HIF1A: variants seen among roughly 807,000 people sequenced by gnomAD.
The protein encoded by HIF1A is hypoxia inducible factor 1 subunit alpha, also known as hypoxia-inducible factor 1-alpha.
Under a neutral mutation model 92.7 loss-of-function variants are expected in HIF1A, and 24 were observed. The ratio of observed to expected loss-of-function variants is 0.26; its 90% CI spans 0.19 to 0.36. The LOEUF (loss-of-function observed/expected upper bound fraction) is 0.36, where lower values mean the gene tolerates loss of function less well. Among genes scored for constraint, HIF1A ranks in the 10% least tolerant of loss-of-function variants. The pLI is 1.00. For synonymous variants in HIF1A, 319 were observed against 338.7 expected (o/e 0.94, Z 0.64); for missense variants, 799 against 998.5 (o/e 0.80, Z 2.69).
intron 1 of HIF1A, among the ~76,000 whole-genome samples, chr14:61,717,851 T>C (rs1469165322): frequency 6.9e-6 from 1 of 144,626 alleles, no homozygotes; most frequent in Admixed American, 6.7e-5. Context: ...GTGAAACCTG[T>C]CTGTACTAAA....
chr14:61,743,356 C>T (rs1473008636), intron 12 of HIF1A, among the ~76,000 whole-genome samples: 1 of 152,126 alleles, frequency 6.6e-6, no homozygotes, highest in Non-Finnish European at 1.5e-5. Context: ...CAGTTGTGAG[C>T]CACTGTGCCC....
In HIF1A at chr14:61,738,101, G is replaced by T. The variant is rs149348765; in HGVS notation, c.1264G>T (p.Asp422Tyr). The T allele has an allele frequency of 3.0e-3, 4,846 of 1,599,594 alleles. 34 individuals carry two copies. Among genetic ancestry groups the T allele is most frequent in the South Asian group, 0.013 (1,192 of 89,036 alleles). ...DFGSNDTETDDQQLEEVPLYN... is the reference protein window; with the variant it reads ...DFGSNDTETDYQQLEEVPLYN... ...TTTCCCCACAGACACAGAAACTGAT[G>T]ACCAGCAACTTGAGGAAGTACCATT... is the stretch of plus-strand genomic sequence containing the variant. Residue 422 changes from aspartate (D) to tyrosine (Y), a missense_variant, in exon 10 of 15, where the codon GAC becomes TAC. By Grantham distance (160) the Asp-to-Tyr change is radical. Coordinates refer to ENST00000337138, the MANE Select transcript of HIF1A (RefSeq NM_001530.4).
chr14:61,719,694 C>T (rs895887067), intron 1 of HIF1A, among the ~76,000 whole-genome samples: 4 of 152,150 alleles, frequency 2.6e-5, no homozygotes, highest in Non-Finnish European at 5.9e-5. Flanking sequence ...TAACCTATCC[C>T]TCTAAATTCT....
At chr14:61,746,392 C>CTTTTTTTTTTTTTTT (rs754879947) in intron 14 of HIF1A, among the ~76,000 whole-genome samples, 5 of 49,492 alleles carry the variant, frequency 1.0e-4, no homozygotes, top group African/African-American at 2.5e-4. Context: ...TTTATGACTT[C>CTTTTTTTTTTTTTTT]TTTTTTTTTT....
intron 1 of HIF1A, among the ~76,000 whole-genome samples, chr14:61,707,304 G>GT (rs11335043): frequency 6.6e-6 from 1 of 151,284 alleles, no homozygotes; most frequent in African/African-American, 2.4e-5. Context: ...AGCATTCTGT[G>GT]TTTTTTTTTT....
intron 1 of HIF1A, among the ~76,000 whole-genome samples, chr14:61,707,139 C>T (rs1215295639): frequency 6.6e-6 from 1 of 152,196 alleles, no homozygotes; most frequent in Non-Finnish European, 1.5e-5. Context: ...TTTTGAAGAA[C>T]ACGTTAAGTA....
At chr14:61,726,661 TTG>T in intron 4 of HIF1A, 43 bp from the exon 5 acceptor site, 1 of 1,213,572 alleles carries the variant, frequency 8.2e-7, no homozygotes, top group Non-Finnish European at 1.2e-6. Flanking sequence ...TGTAACAAAT[TTG>T]TATATTTAGT....
intron 1 of HIF1A, among the ~76,000 whole-genome samples, chr14:61,700,093 T>C (rs1210321995): frequency 1.3e-5 from 2 of 152,154 alleles, no homozygotes; most frequent in Non-Finnish European, 1.5e-5. Flanking sequence ...TTTTGTTTCA[T>C]AAAAACAAAA....
chr14:61,746,425 C>G, intron 14 of HIF1A, among the ~76,000 whole-genome samples: 1 of 113,332 alleles, frequency 8.8e-6, no homozygotes, highest in South Asian at 2.7e-4. Flanking sequence ...GAGACAGGGT[C>G]TCGCTCTGTT....
intron 1 of HIF1A, 72 bp downstream of exon 1, chr14:61,695,911 G>A: frequency 2.1e-6 from 3 of 1,427,898 alleles, no homozygotes; most frequent in Non-Finnish European, 1.9e-6. Flanking sequence ...TGGGCTCCTG[G>A]GCCGGCCTCG....
intron 1 of HIF1A, among the ~76,000 whole-genome samples, chr14:61,710,240 A>G (rs2044290856): frequency 6.6e-6 from 1 of 152,152 alleles, no homozygotes; most frequent in Non-Finnish European, 1.5e-5. Flanking sequence ...GGTTTAATGG[A>G]AAGACAATTT....
At chr14:61,705,128 T>C (rs2044224183) in intron 1 of HIF1A, among the ~76,000 whole-genome samples, 1 of 152,122 alleles carries the variant, frequency 6.6e-6, no homozygotes, top group Non-Finnish European at 1.5e-5. Context: ...CAGATCTCTT[T>C]TGGAGCAAAA....
In HIF1A at chr14:61,695,629, G is replaced by A. The variant is rs1190266825; in HGVS notation, c.-176G>A. ...TGAGGAGAGGCTCGGAGCCGGGCCC[G>A]GACCCCGGCGATTGCCGCCCGCTTC... On this transcript the variant is annotated 5_prime_UTR_variant, in exon 1 of 15. Transcript: ENST00000337138. 8 of 669,976 alleles carry A rather than the reference G, an allele frequency of 1.2e-5. No individual in the cohort carries two copies. Among genetic ancestry groups the A allele is most frequent in the African/African-American group, 1.8e-5 (1 of 54,536 alleles). The allele number at this position is 669,976 out of a possible 1,614,324, so 41.5% of individuals were successfully genotyped here.
chr14:61,705,196 A>G (rs924097833), intron 1 of HIF1A, among the ~76,000 whole-genome samples: 2 of 152,152 alleles, frequency 1.3e-5, no homozygotes, highest in African/African-American at 4.8e-5. Flanking sequence ...TGTATACTGC[A>G]TTAAAAAATG....
At chr14:61,708,437 G>A (rs1005099699) in intron 1 of HIF1A, among the ~76,000 whole-genome samples, 2 of 152,148 alleles carry the variant, frequency 1.3e-5, no homozygotes, top group African/African-American at 2.4e-5. Context: ...ATGGTTTTAG[G>A]TCTAACATTT....
intron 14 of HIF1A, among the ~76,000 whole-genome samples, chr14:61,746,644 C>G (rs1434222090): frequency 6.6e-6 from 1 of 152,092 alleles, no homozygotes; most frequent in Non-Finnish European, 1.5e-5. Context: ...ATCCTCCTGC[C>G]TCAGCCTGTG....
chr14:61,729,478 AC>A lies in HIF1A; in HGVS notation c.773+1824del, dbSNP rs754230767. The stretch of plus-strand genomic sequence containing the variant: ...CTCCATCTCAAAAAACAAAAACAAA[AC>A]AAAAAAAAGACCTCAGAAGGATGTT... On this transcript the variant is annotated intron_variant, in intron 6 of 14. Transcript: ENST00000337138. Among the ~76,000 whole-genome samples the A allele has an allele frequency of 7.2e-3, 1,084 of 149,988 alleles. 26 individuals carry two copies. The highest frequency in any genetic ancestry group is 0.023 in the African/African-American group (963 of 41,122).
chr14:61,723,138 A>G lies in HIF1A; in HGVS notation c.457+1315A>G, dbSNP rs145405892. ...AGTGCATACGTTTGTTTGCTTCTATATTATAAAACCTCAAATTTACTTTTT... is the reference window on the plus strand; with the variant it reads ...AGTGCATACGTTTGTTTGCTTCTATGTTATAAAACCTCAAATTTACTTTTT... On this transcript the variant is annotated intron_variant, in intron 4 of 14. Coordinates refer to ENST00000337138, the MANE Select transcript of HIF1A (RefSeq NM_001530.4). Among the ~76,000 whole-genome samples, 733 of 152,320 alleles carry G rather than the reference A, an allele frequency of 4.8e-3. 6 individuals carry two copies. The highest frequency in any genetic ancestry group is 0.017 in the African/African-American group (686 of 41,572).
At chr14:61,744,170 A>C (rs943208575) in intron 12 of HIF1A, among the ~76,000 whole-genome samples, 1 of 152,214 alleles carries the variant, frequency 6.6e-6, no homozygotes, top group South Asian at 2.1e-4. Context: ...AATAGTGTCA[A>C]TTTAGTTGTG....
Sources: gnomAD v4.1 joint callset for allele counts (sites outside exome capture counted in the v4.1 genomes callset) on GRCh38, gnomAD v4.1.1 for gene constraint, MANE v1.5 for transcripts, NCBI Gene and HGNC (gene_info 2026-07-23, HGNC 2026-07-21) for gene names.